Variants in INPP5A observed in about 807,000 individuals in gnomAD.
INPP5A encodes the protein inositol polyphosphate-5-phosphatase A.
Under a neutral mutation model 65.2 loss-of-function variants are expected in INPP5A, and 14 were observed. That is an observed-to-expected ratio of 0.21 (90% confidence interval 0.14 to 0.34). INPP5A has a LOEUF of 0.34. Among genes scored for constraint, INPP5A ranks in the 10% least tolerant of loss-of-function variants. The pLI is 1.00. For missense variants in INPP5A, 431 were observed against 545.6 expected (o/e 0.79, Z 2.09); for synonymous variants, 207 against 208.3 (o/e 0.99, Z 0.05).
At chr10:132,660,018 C>T (rs2072715238) in intron 4 of INPP5A, among the ~76,000 whole-genome samples, 1 of 152,210 alleles carries the variant, frequency 6.6e-6, no homozygotes, top group Non-Finnish European at 1.5e-5. Flanking sequence ...CGACGCGTGA[C>T]CCACGGCACG....
intron 1 of INPP5A, among the ~76,000 whole-genome samples, chr10:132,556,759 G>A (rs1203816830): frequency 6.6e-6 from 1 of 150,838 alleles, no homozygotes; most frequent in Non-Finnish European, 1.5e-5. Context: ...TTGGTTACTT[G>A]TATTATCATT....
At chr10:132,712,861 C>T (rs1024231235) in intron 8 of INPP5A, among the ~76,000 whole-genome samples, 10 of 137,046 alleles carry the variant, frequency 7.3e-5, no homozygotes, top group South Asian at 2.4e-4. Context: ...TGTGGGGGTA[C>T]GTGTCGATGT....
chr10:132,714,377 G>A (rs1167091595), intron 8 of INPP5A, among the ~76,000 whole-genome samples: 1 of 152,214 alleles, frequency 6.6e-6, no homozygotes, highest in Non-Finnish European at 1.5e-5. Flanking sequence ...GCCACCAGCA[G>A]ACCACATTCT....
chr10:132,740,437 G>A (rs1467297731), intron 9 of INPP5A, among the ~76,000 whole-genome samples: 3 of 152,150 alleles, frequency 2.0e-5, no homozygotes, highest in Admixed American at 6.5e-5. Flanking sequence ...GCATCCGGGA[G>A]CACAGATTTA....
intron 1 of INPP5A, among the ~76,000 whole-genome samples, chr10:132,566,563 G>A (rs2071277314): frequency 6.6e-6 from 1 of 152,228 alleles, no homozygotes; most frequent in Non-Finnish European, 1.5e-5. Flanking sequence ...CCAAAAGGTT[G>A]AGGGATGTAA....
intron 12 of INPP5A, among the ~76,000 whole-genome samples, chr10:132,770,166 G>A (rs929652584): frequency 2.6e-5 from 4 of 152,070 alleles, no homozygotes; most frequent in Non-Finnish European, 4.4e-5. Context: ...TGGCCTCAGC[G>A]TCCCCCTCAG....
chr10:132,539,187 C>T (rs2133236596), intron 1 of INPP5A, among the ~76,000 whole-genome samples: 1 of 152,334 alleles, frequency 6.6e-6, no homozygotes, highest in South Asian at 2.1e-4. Context: ...TCCTCTGAGC[C>T]TAGGCCCTCC....
chr10:132,702,992 A>G (rs1845460791), intron 6 of INPP5A, among the ~76,000 whole-genome samples: 1 of 150,334 alleles, frequency 6.7e-6, no homozygotes, highest in Admixed American at 6.6e-5. Flanking sequence ...GCTGGTTAGG[A>G]GCGGCCTCCA....
intron 12 of INPP5A, among the ~76,000 whole-genome samples, chr10:132,769,962 A>G (rs1846920656): frequency 6.6e-6 from 1 of 152,238 alleles, no homozygotes. Flanking sequence ...ATTAACCGCC[A>G]TTAACTCTAA....
chr10:132,715,220 C>T (rs1225549828), intron 8 of INPP5A, among the ~76,000 whole-genome samples: 1 of 152,228 alleles, frequency 6.6e-6, no homozygotes, highest in Non-Finnish European at 1.5e-5. Context: ...GGAGATTTTC[C>T]CATAAGTGAC....
At chr10:132,635,245 T>C (rs555039510) in intron 2 of INPP5A, among the ~76,000 whole-genome samples, 4 of 152,328 alleles carry the variant, frequency 2.6e-5, no homozygotes, top group African/African-American at 9.6e-5. Context: ...TGTGGTTGAA[T>C]TGGGGTCTGC....
intron 2 of INPP5A, among the ~76,000 whole-genome samples, chr10:132,626,169 A>T (rs534583968): frequency 1.2e-3 from 188 of 152,306 alleles, no homozygotes; most frequent in Admixed American, 2.3e-3. Context: ...GTTGTCACAC[A>T]CTGTGGCTCA....
chr10:132,565,798 T>C (rs938820610), intron 1 of INPP5A, among the ~76,000 whole-genome samples: 5 of 151,424 alleles, frequency 3.3e-5, no homozygotes, highest in African/African-American at 9.8e-5. Flanking sequence ...TGAGTATGTG[T>C]GTGTGGGTCT....
chr10:132,579,795 C>T (rs2071459101), intron 1 of INPP5A, among the ~76,000 whole-genome samples: 1 of 151,944 alleles, frequency 6.6e-6, no homozygotes, highest in Non-Finnish European at 1.5e-5. Context: ...GTTTTTAATT[C>T]ACAGGGCCCT....
intron 1 of INPP5A, among the ~76,000 whole-genome samples, chr10:132,573,140 G>T (rs889304314): frequency 1.4e-5 from 2 of 143,920 alleles, no homozygotes; most frequent in Non-Finnish European, 3.0e-5. Context: ...TTGTTGAGAT[G>T]TTGGGGTGTG....
intron 9 of INPP5A, among the ~76,000 whole-genome samples, chr10:132,733,770 A>G (rs1177580867): frequency 6.6e-6 from 1 of 152,042 alleles, no homozygotes; most frequent in African/African-American, 2.4e-5. Context: ...CCGTGTGTGA[A>G]CAAGCTGATG....
intron 2 of INPP5A, among the ~76,000 whole-genome samples, chr10:132,631,941 TTCCCC>T (rs142422745): frequency 0.015 from 2,305 of 152,360 alleles, 33 homozygotes; most frequent in South Asian, 0.039. Flanking sequence ...GGGCCGTGAC[TTCCCC>T]GATAGTTCCA....
intron 1 of INPP5A, among the ~76,000 whole-genome samples, chr10:132,544,748 C>T (rs1393727113): frequency 6.6e-6 from 1 of 152,110 alleles, no homozygotes; most frequent in Non-Finnish European, 1.5e-5. Context: ...GCCCCTCTCC[C>T]TCCGGCCCTG....
intron 8 of INPP5A, among the ~76,000 whole-genome samples, chr10:132,725,366 G>A (rs967901017): frequency 6.6e-6 from 1 of 152,322 alleles, no homozygotes; most frequent in South Asian, 2.1e-4. Context: ...CGGGTCCACA[G>A]CCATTGGTGG....
Sources: gnomAD v4.1 joint callset for allele counts (sites outside exome capture counted in the v4.1 genomes callset) on GRCh38, gnomAD v4.1.1 for gene constraint, MANE v1.5 for transcripts, NCBI Gene and HGNC (gene_info 2026-07-23, HGNC 2026-07-21) for gene names.